The following ASAP1 variants were observed in gnomAD, a reference collection of about 807,000 sequenced individuals.
The protein encoded by ASAP1 is ArfGAP with SH3 domain, ankyrin repeat and PH domain 1.
ASAP1 carries 43 observed loss-of-function variants against 145.2 expected under a neutral mutation model. That is an observed-to-expected ratio of 0.30 (90% CI 0.23 to 0.38). The LOEUF (loss-of-function observed/expected upper bound fraction) is 0.38. Among genes scored for constraint, ASAP1 ranks in the 10% least tolerant of loss-of-function variants. ASAP1 has a pLI of 1.00. For missense variants in ASAP1, 1,018 were observed against 1,355.3 expected, an observed-to-expected ratio of 0.75 and a Z score of 3.91; for synonymous variants, 546 against 515.5, an observed-to-expected ratio of 1.06 and a Z score of -0.80.
At chr8:130,342,055 T>C (rs1825418359) in intron 3 of ASAP1, among the ~76,000 whole-genome samples, 1 of 152,132 alleles carries the variant, frequency 6.6e-6, no homozygotes, top group Admixed American at 6.5e-5. Flanking sequence ...TGGGAGAGAT[T>C]TCCTTCCAAG....
intron 3 of ASAP1, among the ~76,000 whole-genome samples, chr8:130,250,790 A>G (rs914178927): frequency 6.6e-6 from 1 of 152,206 alleles, no homozygotes; most frequent in Non-Finnish European, 1.5e-5. Context: ...TTAAACCAGC[A>G]GTTCCTACCC....
intron 2 of ASAP1, among the ~76,000 whole-genome samples, chr8:130,363,554 G>T (rs1586913399): frequency 1.3e-5 from 2 of 152,126 alleles, no homozygotes; most frequent in Non-Finnish European, 1.5e-5. Context: ...GGCTGCTGGG[G>T]TATAGAATAT....
chr8:130,161,274 C>T lies in ASAP1; in HGVS notation c.910-1310G>A, dbSNP rs999408728. On this transcript the variant is annotated intron_variant, in intron 11 of 29. Coordinates refer to ENST00000518721, the MANE Select transcript of ASAP1 (RefSeq NM_018482.4). Reference sequence around the variant, plus strand: ...AACAACACCTGAAATGTGATAGTGTCGAGGTAAGCTGAACCAACCACTGGC... The same window carrying T: ...AACAACACCTGAAATGTGATAGTGTTGAGGTAAGCTGAACCAACCACTGGC... 2.6e-5 allele frequency among the ~76,000 whole-genome samples: 4 copies of T among 151,984 alleles called. No individual in the cohort carries two copies. In the East Asian group the frequency reaches 7.7e-4, roughly 29 times the overall value.
At chr8:130,330,813 A>T (rs1210043235) in intron 3 of ASAP1, among the ~76,000 whole-genome samples, 1 of 152,198 alleles carries the variant, frequency 6.6e-6, no homozygotes, top group Non-Finnish European at 1.5e-5. Flanking sequence ...AATCATTCTT[A>T]AACCTATAAA....
chr8:130,208,044 C>T (rs957604629), intron 5 of ASAP1, among the ~76,000 whole-genome samples: 1 of 152,182 alleles, frequency 6.6e-6, no homozygotes, highest in African/African-American at 2.4e-5. Flanking sequence ...CCCTACTTTT[C>T]TCTCCTTGAT....
intron 3 of ASAP1, among the ~76,000 whole-genome samples, chr8:130,273,752 G>A (rs1237628834): frequency 6.6e-6 from 1 of 152,194 alleles, no homozygotes; most frequent in Non-Finnish European, 1.5e-5. Flanking sequence ...ACTGGTCTGT[G>A]GTGCGACCCA....
At chr8:130,275,927 A>G (rs533435253) in intron 3 of ASAP1, among the ~76,000 whole-genome samples, 4 of 152,120 alleles carry the variant, frequency 2.6e-5, no homozygotes, top group Non-Finnish European at 5.9e-5. Flanking sequence ...TACCAGTCAC[A>G]TTTTTTTGCA....
chr8:130,411,392 T>C (rs1829258792), intron 1 of ASAP1, among the ~76,000 whole-genome samples: 1 of 152,134 alleles, frequency 6.6e-6, no homozygotes, highest in Non-Finnish European at 1.5e-5. Flanking sequence ...CAGGAAACAA[T>C]ATCCCAGCTC....
chr8:130,234,041 C>A (rs1818064719), intron 4 of ASAP1, among the ~76,000 whole-genome samples: 1 of 152,018 alleles, frequency 6.6e-6, no homozygotes. Context: ...CTGAGAGATT[C>A]CTGTTTTTGT....
chr8:130,240,722 C>A (rs73712892), intron 3 of ASAP1, among the ~76,000 whole-genome samples: 2 of 152,072 alleles, frequency 1.3e-5, no homozygotes, highest in African/African-American at 4.8e-5. Flanking sequence ...TTGTGCCATA[C>A]GGCATTATTA....
chr8:130,229,293 C>G (rs986823496), intron 4 of ASAP1, among the ~76,000 whole-genome samples: 12 of 152,158 alleles, frequency 7.9e-5, no homozygotes, highest in African/African-American at 2.9e-4. Flanking sequence ...ACTAAACACA[C>G]ACATATGACT....
At chr8:130,072,416 C>G (rs2097448695) in intron 27 of ASAP1, among the ~76,000 whole-genome samples, 1 of 152,122 alleles carries the variant, frequency 6.6e-6, no homozygotes, top group South Asian at 2.1e-4. Context: ...TCCCCTTTTG[C>G]TTGGCTCTCA....
At chr8:130,123,035 T>G (rs2135701337) in intron 18 of ASAP1, among the ~76,000 whole-genome samples, 1 of 152,350 alleles carries the variant, frequency 6.6e-6, no homozygotes, top group Admixed American at 6.5e-5. Flanking sequence ...TCAAATTAAC[T>G]TTTGAAAAGC....
chr8:130,256,755 A>T (rs1162978721), intron 3 of ASAP1, among the ~76,000 whole-genome samples: 2 of 89,780 alleles, frequency 2.2e-5, no homozygotes, highest in Non-Finnish European at 4.9e-5. Context: ...ATATATATAT[A>T]TATATATATA....
At chr8:130,411,947 G>C (rs1462276980) in intron 1 of ASAP1, among the ~76,000 whole-genome samples, 1 of 152,142 alleles carries the variant, frequency 6.6e-6, no homozygotes, top group African/African-American at 2.4e-5. Flanking sequence ...AAGGGAACCA[G>C]GATGGAAAGG....
chr8:130,276,805 A>G (rs1243844765), intron 3 of ASAP1, among the ~76,000 whole-genome samples: 3 of 150,646 alleles, frequency 2.0e-5, no homozygotes, highest in African/African-American at 7.3e-5. Flanking sequence ...ACCCTAAACT[A>G]TGAGAAGGTG....
intron 3 of ASAP1, among the ~76,000 whole-genome samples, chr8:130,305,539 T>A (rs1349858723): frequency 3.3e-5 from 5 of 152,136 alleles, no homozygotes; most frequent in Non-Finnish European, 5.9e-5. Flanking sequence ...AATTTTTGTA[T>A]TTTTAGTAGA....
At chr8:130,237,035 G>A in intron 3 of ASAP1, 41 bp from the exon 4 acceptor site, 1 of 1,431,616 alleles carries the variant, frequency 7.0e-7, no homozygotes, top group Non-Finnish European at 9.5e-7. Flanking sequence ...AGAAGATTTG[G>A]TAAATTAAAA....
At chr8:130,341,055 A>C (rs1738221672) in intron 3 of ASAP1, 1 of 374,752 alleles carries the variant, frequency 2.7e-6, no homozygotes, top group Non-Finnish European at 5.3e-6. Context: ...TGATACAGTA[A>C]CACCACGTGG....
Sources: gnomAD v4.1 joint callset for allele counts (sites outside exome capture counted in the v4.1 genomes callset) on GRCh38, gnomAD v4.1.1 for gene constraint, MANE v1.5 for transcripts, NCBI Gene and HGNC (gene_info 2026-07-23, HGNC 2026-07-21) for gene names.